Variants in DPP6 observed in about 807,000 individuals in gnomAD.
DPP6 encodes dipeptidyl peptidase like 6, also known as A-type potassium channel modulatory protein DPP6.
DPP6 carries 69 observed loss-of-function variants against 122.6 expected under a neutral mutation model. The observed-to-expected ratio is 0.56, with a 90% CI of 0.46 to 0.69. The LOEUF (loss-of-function observed/expected upper bound fraction) is 0.69. Ranked by LOEUF, DPP6 falls within the 30% of genes least tolerant of loss-of-function variation. DPP6 has a pLI of 0.00. For missense variants in DPP6, 928 were observed against 1,116.9 expected (o/e 0.83, Z 2.41); for synonymous variants, 418 against 433.1 (o/e 0.97, Z 0.43).
At chr7:153,805,126 G>T in the DPP6 span, among the ~76,000 whole-genome samples, 1 of 151,888 alleles carries the variant, frequency 6.6e-6, no homozygotes, top group Non-Finnish European at 1.5e-5. Context: ...AGACACAAAG[G>T]GTTATTTTAA....
At chr7:154,209,520 A>T (rs1194930563) in intron 1 of DPP6, among the ~76,000 whole-genome samples, 1 of 148,594 alleles carries the variant, frequency 6.7e-6, no homozygotes, top group Non-Finnish European at 1.5e-5. Context: ...AGTAACTCTC[A>T]GCTATTGTGA....
intron 16 of DPP6, among the ~76,000 whole-genome samples, chr7:154,818,815 G>A (rs1348116427): frequency 6.6e-6 from 1 of 152,156 alleles, no homozygotes; most frequent in Non-Finnish European, 1.5e-5. Flanking sequence ...CATTCCCTTT[G>A]AGGCTGCATG....
At chr7:154,531,231 A>G (rs971253235) in intron 3 of DPP6, among the ~76,000 whole-genome samples, 4 of 152,194 alleles carry the variant, frequency 2.6e-5, no homozygotes, top group African/African-American at 9.6e-5. Context: ...AAAGCACATA[A>G]CAGTCAGCTT....
intron 1 of DPP6, among the ~76,000 whole-genome samples, chr7:154,345,440 G>T (rs909639765): frequency 2.6e-5 from 4 of 152,192 alleles, no homozygotes; most frequent in Admixed American, 2.0e-4. Flanking sequence ...TGGTCAATAG[G>T]AAGTGCATGT....
intron 1 of DPP6, among the ~76,000 whole-genome samples, chr7:154,117,421 G>A (rs983178866): frequency 4.6e-5 from 7 of 152,136 alleles, no homozygotes; most frequent in African/African-American, 1.7e-4. Context: ...TGGTGTCTTT[G>A]TCTGTCTTTT....
At chr7:153,983,789 G>A (rs1273667240) in intron 1 of DPP6, among the ~76,000 whole-genome samples, 1 of 152,060 alleles carries the variant, frequency 6.6e-6, no homozygotes, top group African/African-American at 2.4e-5. Context: ...GCTTCCCTTG[G>A]CCAGGGGAGG....
At chr7:154,565,767 C>T (rs1387162657) in intron 4 of DPP6, among the ~76,000 whole-genome samples, 1 of 152,180 alleles carries the variant, frequency 6.6e-6, no homozygotes, top group Non-Finnish European at 1.5e-5. Flanking sequence ...TCAGGTGATC[C>T]ACCCGCCTCG....
intron 3 of DPP6, chr7:154,475,310 C>T: frequency 2.4e-6 from 1 of 411,106 alleles, no homozygotes; most frequent in South Asian, 2.0e-5. Flanking sequence ...CTTTGTGTGC[C>T]ACCTCCCAGA....
intron 1 of DPP6, among the ~76,000 whole-genome samples, chr7:154,124,976 C>T (rs544880247): frequency 2.4e-4 from 36 of 152,296 alleles, no homozygotes; most frequent in Non-Finnish European, 4.0e-4. Flanking sequence ...TTAGAGATCC[C>T]AACAGAGGGG....
At chr7:154,384,151 G>A (rs919133845) in intron 1 of DPP6, among the ~76,000 whole-genome samples, 6 of 152,158 alleles carry the variant, frequency 3.9e-5, no homozygotes, top group South Asian at 2.1e-4. Flanking sequence ...CGCTAAGAGC[G>A]TTGGTGCACA....
At chr7:154,637,796 CT>C in intron 5 of DPP6, 24 bp from the exon 6 acceptor site, 3 of 1,555,974 alleles carry the variant, frequency 1.9e-6, no homozygotes, top group South Asian at 1.2e-5. Flanking sequence ...CAATGCCTAC[CT>C]TTTTTCCTTT....
At chr7:154,236,083 C>T (rs972582640) in intron 1 of DPP6, among the ~76,000 whole-genome samples, 6 of 152,250 alleles carry the variant, frequency 3.9e-5, no homozygotes, top group South Asian at 2.1e-4. Context: ...GAATTCCTGA[C>T]GTCAGGTGAT....
intron 1 of DPP6, among the ~76,000 whole-genome samples, chr7:153,999,683 G>C (rs891625622): frequency 5.9e-5 from 9 of 152,218 alleles, no homozygotes; most frequent in African/African-American, 2.2e-4. Flanking sequence ...ACTTGGCAGT[G>C]GGGGGTGGCT....
At chr7:153,884,950 A>T (rs916827876), upstream of DPP6, among the ~76,000 whole-genome samples, 1 of 149,410 alleles carries the variant, frequency 6.7e-6, no homozygotes, top group Non-Finnish European at 1.5e-5. Flanking sequence ...ACTGGACTCC[A>T]GCCTAGTGAC....
chr7:153,930,467 A>G (rs1372586693), intron 1 of DPP6, among the ~76,000 whole-genome samples: 1 of 152,080 alleles, frequency 6.6e-6, no homozygotes, highest in Non-Finnish European at 1.5e-5. Context: ...ATTGTATTAT[A>G]TTTTTCAATT....
At chr7:154,225,889 G>A (rs10277199) in intron 1 of DPP6, among the ~76,000 whole-genome samples, 32,491 of 151,984 alleles carry the variant, frequency 0.21, 6,326 homozygotes, top group African/African-American at 0.52. Context: ...CTTTAACTTC[G>A]TATAGCAAGC....
the DPP6 span, among the ~76,000 whole-genome samples, chr7:153,763,880 C>G: frequency 6.6e-6 from 1 of 152,124 alleles, no homozygotes; most frequent in African/African-American, 2.4e-5. Context: ...TAAGCTCTAA[C>G]GAAAATGATG....
In DPP6 at chr7:154,806,873, G is replaced by A. The variant is rs1798726764; in HGVS notation, c.1548-121G>A. The A allele has an allele frequency of 8.2e-6, 11 of 1,336,842 alleles. No individual in the cohort carries two copies. In the South Asian group the frequency reaches 1.1e-4, roughly 13 times the overall value. 82.8% of individuals were successfully genotyped at this position (1,336,842 alleles called of 1,614,324 possible). On this transcript the variant is annotated intron_variant, in intron 15 of 25. Coordinates refer to ENST00000377770, the MANE Select transcript of DPP6 (RefSeq NM_130797.4). The stretch of plus-strand genomic sequence containing the variant: ...CAGGGAGACAGAGGGAGAGGCCCGG[G>A]GGGTCTGTAGCAGGGCTCCGCAGAT...
chr7:154,865,690 C>T (rs1203112499), intron 17 of DPP6, among the ~76,000 whole-genome samples: 1 of 152,088 alleles, frequency 6.6e-6, no homozygotes, highest in East Asian at 1.9e-4. Context: ...GATAGTCTGG[C>T]CTCAGTTTTT....
Sources: gnomAD v4.1 joint callset for allele counts (sites outside exome capture counted in the v4.1 genomes callset) on GRCh38, gnomAD v4.1.1 for gene constraint, MANE v1.5 for transcripts, NCBI Gene and HGNC (gene_info 2026-07-23, HGNC 2026-07-21) for gene names.